The following NMNAT3 variants were observed in gnomAD, a reference collection of about 807,000 sequenced individuals.
NMNAT3 encodes nicotinamide/nicotinic acid mononucleotide adenylyltransferase 3.
In NMNAT3, 21 loss-of-function variants were observed where a neutral mutation model predicts 24.8. That is an observed-to-expected ratio of 0.85 (90% CI 0.60 to 1.22). NMNAT3 has a LOEUF of 1.22. Ranked by LOEUF, NMNAT3 falls within the 50% of genes most tolerant of loss-of-function variation. The pLI is 0.00. For missense variants in NMNAT3, 387 were observed against 436.6 expected (o/e 0.89, Z 1.01); for synonymous variants, 136 against 155.2 (o/e 0.88, Z 0.92).
At chr3:139,658,367 A>G (rs958191086) in intron 1 of NMNAT3, among the ~76,000 whole-genome samples, 2 of 152,132 alleles carry the variant, frequency 1.3e-5, no homozygotes, top group Non-Finnish European at 2.9e-5. Context: ...TGCCCTCGCG[A>G]TCCCAGCTCA....
intron 1 of NMNAT3, among the ~76,000 whole-genome samples, chr3:139,652,744 C>G (rs2057097338): frequency 6.6e-6 from 1 of 152,202 alleles, no homozygotes; most frequent in South Asian, 2.1e-4. Context: ...AACAGATGTC[C>G]TGCAGCCTCT....
At position 139,560,306 on chromosome 3, in the gene NMNAT3, C is replaced by A. The variant is rs1356463585; in HGVS notation, c.*704G>T. 1.3e-5 allele frequency: 2 copies of A among 152,558 alleles called. No individual in the cohort carries two copies. The highest frequency in any genetic ancestry group is 4.8e-5 in the African/African-American group (2 of 41,416). 9.5% of individuals were successfully genotyped at this position (152,558 alleles called of 1,614,324 possible). ...GTCAGGCATCTGTTTTACCTCAGTT[C>A]CTTTTTAGAAACCTGGAAATCAGGA... On this transcript the variant is annotated 3_prime_UTR_variant, in exon 7 of 7. Transcript: ENST00000643695.
At chr3:139,605,024 T>C (rs984777203) in intron 3 of NMNAT3, among the ~76,000 whole-genome samples, 17 of 152,012 alleles carry the variant, frequency 1.1e-4, no homozygotes, top group African/African-American at 3.9e-4. Flanking sequence ...ATGCCAGCCC[T>C]CCTGATCCTT....
chr3:139,618,874 G>T (rs2055631829), intron 3 of NMNAT3, among the ~76,000 whole-genome samples: 1 of 152,134 alleles, frequency 6.6e-6, no homozygotes, highest in Admixed American at 6.5e-5. Flanking sequence ...ATACTCTCAT[G>T]GTGGCAAGTG....
At chr3:139,675,813 C>A in intron 1 of NMNAT3, among the ~76,000 whole-genome samples, 1 of 152,310 alleles carries the variant, frequency 6.6e-6, no homozygotes, top group Middle Eastern at 3.4e-3. Context: ...CCCATAATAA[C>A]CTTCTGAGGT....
At chr3:139,634,045 C>T (rs548387276) in intron 2 of NMNAT3, among the ~76,000 whole-genome samples, 3 of 152,302 alleles carry the variant, frequency 2.0e-5, no homozygotes, top group Middle Eastern at 3.4e-3. Flanking sequence ...TGGCCTCTTC[C>T]GCCTGCTCAC....
intron 1 of NMNAT3, among the ~76,000 whole-genome samples, chr3:139,666,021 T>C (rs1483725219): frequency 6.6e-6 from 1 of 152,202 alleles, no homozygotes; most frequent in Non-Finnish European, 1.5e-5. Context: ...ATATGTTACC[T>C]ATCAAAAAAT....
At position 139,634,607 on chromosome 3, in the gene NMNAT3, A is replaced by T. The variant is rs1293123939; in HGVS notation, c.-41+3356T>A. The T allele has an allele frequency of 1.3e-5, 2 of 152,200 alleles. No homozygotes were observed. Among genetic ancestry groups the T allele is most frequent in the Non-Finnish European group, 2.9e-5 (2 of 68,040 alleles). 9.4% of individuals were successfully genotyped at this position (152,200 alleles called of 1,614,324 possible). A position where few individuals can be genotyped will look rare whatever the true frequency, so the allele number is the denominator to read the frequency against. On this transcript the variant is annotated intron_variant, in intron 2 of 6. Transcript: ENST00000643695. ...ATGCTGCTAAAAACAAAAGCAAAGC[A>T]TACCTTCCTTGTCGGTGTAAGGATC...
chr3:139,674,553 A>G (rs573390124), intron 1 of NMNAT3, among the ~76,000 whole-genome samples: 1 of 152,388 alleles, frequency 6.6e-6, no homozygotes, highest in South Asian at 2.1e-4. Context: ...AGATTTATCG[A>G]GATGATAAAA....
At chr3:139,593,686 C>A (rs1358044552) in intron 3 of NMNAT3, among the ~76,000 whole-genome samples, 1 of 149,546 alleles carries the variant, frequency 6.7e-6, no homozygotes, top group Non-Finnish European at 1.5e-5. Flanking sequence ...TACATGGAAA[C>A]TGAACAACCT....
At chr3:139,637,578 T>C (rs1167971451) in intron 2 of NMNAT3, 1 of 152,270 alleles carries the variant, frequency 6.6e-6, no homozygotes, top group Non-Finnish European at 1.5e-5. Context: ...GGCCTCACTC[T>C]ACCTCTCCTA....
intron 3 of NMNAT3, chr3:139,599,326 G>C (rs1469663982): frequency 1.4e-6 from 1 of 702,500 alleles, no homozygotes; most frequent in Admixed American, 2.0e-5. Context: ...TGGGGCTTTT[G>C]CTGGGAGAAG....
intron 1 of NMNAT3, among the ~76,000 whole-genome samples, chr3:139,658,094 TCTG>T (rs935983827): frequency 7.9e-5 from 12 of 152,146 alleles, no homozygotes; most frequent in African/African-American, 2.2e-4. Context: ...GTTTTGGGGT[TCTG>T]CTGGTTGAAG....
intron 5 of NMNAT3, among the ~76,000 whole-genome samples, chr3:139,578,435 G>T (rs546859775): frequency 6.6e-6 from 1 of 151,990 alleles, no homozygotes; most frequent in Admixed American, 6.6e-5. Flanking sequence ...ATAACAAAAG[G>T]TCCCACCTAC....
intron 1 of NMNAT3, among the ~76,000 whole-genome samples, chr3:139,650,633 C>T (rs1194198667): frequency 2.0e-5 from 3 of 152,184 alleles, no homozygotes; most frequent in Non-Finnish European, 4.4e-5. Context: ...AAACCAAGCT[C>T]TTTGGCTGTG....
chr3:139,669,926 C>T (rs1276166909), intron 1 of NMNAT3, among the ~76,000 whole-genome samples: 2 of 152,186 alleles, frequency 1.3e-5, no homozygotes, highest in Non-Finnish European at 2.9e-5. Context: ...CTCAAGCCTT[C>T]CTTTAAAGTG....
intron 3 of NMNAT3, among the ~76,000 whole-genome samples, chr3:139,610,102 T>C (rs912911601): frequency 2.0e-5 from 3 of 152,052 alleles, no homozygotes; most frequent in African/African-American, 4.8e-5. Context: ...GAGTAATGGT[T>C]CCCCATTTTT....
chr3:139,643,120 C>G (rs1056565023), intron 1 of NMNAT3, among the ~76,000 whole-genome samples: 2 of 152,168 alleles, frequency 1.3e-5, no homozygotes, highest in East Asian at 3.8e-4. Context: ...TGAAAAGATT[C>G]TCAACATCCC....
At position 139,579,047 on chromosome 3, in the gene NMNAT3, G is replaced by C; in HGVS notation, c.400C>G (p.Gln134Glu). ...GGAGAGATGATACCCTGGATGACCT[G>C]GTACATTCCTAGGTAAGAGAGAGCA... The change falls in exon 5 of 7, where the codon CAG (glutamine) becomes GAG (glutamate). Residue 134 changes from glutamine to glutamate, a missense_variant. By Grantham distance (29) the Gln-to-Glu change is conservative. Coordinates refer to ENST00000643695, the MANE Select transcript of NMNAT3 (RefSeq NM_001320510.2). 6.2e-7 allele frequency: 1 copy of C among 1,613,292 alleles called. No individual in the cohort carries two copies. The highest frequency in any genetic ancestry group is 1.1e-5 in the South Asian group (1 of 90,824).
Sources: gnomAD v4.1 joint callset for allele counts (sites outside exome capture counted in the v4.1 genomes callset) on GRCh38, gnomAD v4.1.1 for gene constraint, MANE v1.5 for transcripts, NCBI Gene and HGNC (gene_info 2026-07-23, HGNC 2026-07-21) for gene names.